The following CCDC138 variants were observed in gnomAD, a reference collection of about 807,000 sequenced individuals.
CCDC138 encodes coiled-coil domain-containing protein 138.
A neutral mutation model predicts 82.3 loss-of-function variants in CCDC138; 66 were observed. That is an observed-to-expected ratio of 0.80 (90% confidence interval 0.66 to 0.98). The LOEUF is 0.98. Ranked by LOEUF, CCDC138 falls within the 50% of genes least tolerant of loss-of-function variation. CCDC138 has a pLI of 0.00. For missense variants in CCDC138, 816 were observed against 758.9 expected, an observed-to-expected ratio of 1.08 and a Z score of -0.88; for synonymous variants, 297 against 265.4, an observed-to-expected ratio of 1.12 and a Z score of -1.16.
At chr2:108,858,589 G>T (rs992276726) in intron 13 of CCDC138, among the ~76,000 whole-genome samples, 1 of 152,150 alleles carries the variant, frequency 6.6e-6, no homozygotes, top group Non-Finnish European at 1.5e-5. Context: ...AGCGAGGAAA[G>T]ATTGATCAAA....
chr2:108,831,587 A>G lies in CCDC138; in HGVS notation c.1207-7598A>G, dbSNP rs552296473. Among the ~76,000 whole-genome samples, 170 of 152,272 alleles carry G rather than the reference A, an allele frequency of 1.1e-3. 1 individual carries two copies. Among genetic ancestry groups the G allele is most frequent in the South Asian group, 2.3e-3 (11 of 4,820 alleles). ...ACTGAAAGTCAGATATCTAAGAGAA[A>G]CTTGACTTTCCAATTTTAGCACACA... On this transcript the variant is annotated intron_variant, in intron 10 of 14. Coordinates refer to ENST00000295124, the MANE Select transcript of CCDC138 (RefSeq NM_144978.3).
intron 7 of CCDC138, among the ~76,000 whole-genome samples, chr2:108,808,844 T>C (rs1192575428): frequency 6.6e-6 from 1 of 152,222 alleles, no homozygotes; most frequent in Non-Finnish European, 1.5e-5. Flanking sequence ...TTGTCTGTTT[T>C]TGCTTTTGTT....
At chr2:108,791,573 A>C (rs560518436) in intron 3 of CCDC138, 102 bp from the exon 4 acceptor site, 2 of 1,381,806 alleles carry the variant, frequency 1.4e-6, no homozygotes, top group African/African-American at 2.9e-5. Flanking sequence ...ATGTTTTTAC[A>C]TTTTTTCTCA....
At chr2:108,876,836 C>G (rs898248022), downstream of CCDC138, among the ~76,000 whole-genome samples, 12 of 151,992 alleles carry the variant, frequency 7.9e-5, no homozygotes, top group African/African-American at 2.9e-4. Context: ...CAAGGCAAGA[C>G]ATTTTTTAAA....
At position 108,798,545 on chromosome 2, in the gene CCDC138, G is replaced by T. The variant is rs200393761; in HGVS notation, c.694G>T (p.Val232Phe). ...AAATGCCTTGAGTAAAATTAAAGGTGTTGAAGAAGAGGTTCTTACAAGATT... is the reference window on the plus strand; with the variant it reads ...AAATGCCTTGAGTAAAATTAAAGGTTTTGAAGAAGAGGTTCTTACAAGATT... ...HENALSKIKGVEEEVLTRFQI... is the reference protein window; with the variant it reads ...HENALSKIKGFEEEVLTRFQI... Residue 232 changes from valine (V) to phenylalanine (F), a missense_variant, in exon 6 of 15, where the codon GTT (valine) becomes TTT (phenylalanine). Physicochemically the swap from Val to Phe is conservative, Grantham distance 50. Transcript: ENST00000295124. 372 of 1,613,364 alleles carry T rather than the reference G, an allele frequency of 2.3e-4. No individual in the cohort carries two copies. The highest frequency in any genetic ancestry group is 3.0e-4 in the Non-Finnish European group (358 of 1,179,682).
At chr2:108,787,215 A>G (rs1679004112) in intron 1 of CCDC138, among the ~76,000 whole-genome samples, 1 of 152,200 alleles carries the variant, frequency 6.6e-6, no homozygotes, top group South Asian at 2.1e-4. Flanking sequence ...TTGTGAAAAC[A>G]ATTGAATTGC....
intron 13 of CCDC138, among the ~76,000 whole-genome samples, chr2:108,872,789 G>C (rs79272266): frequency 0.041 from 6,263 of 152,166 alleles, 435 homozygotes; most frequent in African/African-American, 0.14. Flanking sequence ...GTTCTACAGA[G>C]GACAAGCATT....
At chr2:108,837,748 TA>T (rs1342707269) in intron 10 of CCDC138, among the ~76,000 whole-genome samples, 1 of 152,238 alleles carries the variant, frequency 6.6e-6, no homozygotes, top group African/African-American at 2.4e-5. Context: ...ATTGTTATTT[TA>T]GAGTGTATCT....
chr2:108,834,801 A>G (rs1117425), intron 10 of CCDC138, among the ~76,000 whole-genome samples: 16,732 of 152,150 alleles, frequency 0.11, 1,406 homozygotes, highest in African/African-American at 0.24. Context: ...TCTACTTTCT[A>G]TCTCTATGAA....
chr2:108,850,164 A>G (rs112093257), intron 12 of CCDC138, among the ~76,000 whole-genome samples: 1 of 152,194 alleles, frequency 6.6e-6, no homozygotes, highest in African/African-American at 2.4e-5. Flanking sequence ...AGAACTAAAC[A>G]TTTAAACATA....
At chr2:108,810,866 T>G (rs1020316115) in intron 7 of CCDC138, among the ~76,000 whole-genome samples, 1 of 152,236 alleles carries the variant, frequency 6.6e-6, no homozygotes, top group African/African-American at 2.4e-5. Flanking sequence ...TTGTTACTTA[T>G]GATTGGTCTG....
At chr2:108,879,938 C>G (rs1696242376), downstream of CCDC138, among the ~76,000 whole-genome samples, 1 of 152,054 alleles carries the variant, frequency 6.6e-6, no homozygotes, top group Admixed American at 6.6e-5. Flanking sequence ...TTATTTTCAG[C>G]AGGGTGGTGG....
At chr2:108,841,607 C>G (rs1171411857) in intron 11 of CCDC138, among the ~76,000 whole-genome samples, 1 of 151,572 alleles carries the variant, frequency 6.6e-6, no homozygotes, top group Non-Finnish European at 1.5e-5. Context: ...TTTTCCCAGT[C>G]TTTTTCTTTT....
At chr2:108,826,132 G>T (rs1447619503) in intron 10 of CCDC138, among the ~76,000 whole-genome samples, 1 of 152,002 alleles carries the variant, frequency 6.6e-6, no homozygotes, top group Non-Finnish European at 1.5e-5. Flanking sequence ...TTTGTAGGAG[G>T]TTTTGTTTTT....
intron 10 of CCDC138, among the ~76,000 whole-genome samples, chr2:108,826,243 A>T (rs1686571579): frequency 6.6e-6 from 1 of 152,194 alleles, no homozygotes; most frequent in South Asian, 2.1e-4. Context: ...CCTTTGAAGC[A>T]TAAAGGTTTT....
chr2:108,834,824 A>G (rs1004730967), intron 10 of CCDC138, among the ~76,000 whole-genome samples: 3 of 152,224 alleles, frequency 2.0e-5, no homozygotes, highest in Non-Finnish European at 4.4e-5. Flanking sequence ...TGCATATTCT[A>G]AGTATCTCAT....
intron 14 of CCDC138, among the ~76,000 whole-genome samples, chr2:108,874,345 T>G (rs1401606713): frequency 6.6e-6 from 1 of 152,186 alleles, no homozygotes; most frequent in African/African-American, 2.4e-5. Context: ...GGGCTTTGTT[T>G]CCTCATCTTT....
chr2:108,857,227 C>T (rs1321320729), intron 13 of CCDC138, among the ~76,000 whole-genome samples: 4 of 151,612 alleles, frequency 2.6e-5, no homozygotes, highest in East Asian at 1.9e-4. Context: ...TACAGGCACA[C>T]GCCACCACGC....
At chr2:108,816,580 G>C (rs568098505) in intron 10 of CCDC138, among the ~76,000 whole-genome samples, 3 of 152,100 alleles carry the variant, frequency 2.0e-5, no homozygotes, top group Non-Finnish European at 4.4e-5. Flanking sequence ...GCTGAGGTCT[G>C]TCTCCCTTTT....
Sources: gnomAD v4.1 joint callset for allele counts (sites outside exome capture counted in the v4.1 genomes callset) on GRCh38, gnomAD v4.1.1 for gene constraint, MANE v1.5 for transcripts, NCBI Gene and HGNC (gene_info 2026-07-23, HGNC 2026-07-21) for gene names.